CPM: variants seen among roughly 807,000 people sequenced by gnomAD.
The protein encoded by CPM is renal carboxypeptidase.
CPM carries 35 observed loss-of-function variants against 46.4 expected under a neutral mutation model. The ratio of observed to expected loss-of-function variants is 0.75; its 90% confidence interval spans 0.58 to 1.00. The LOEUF (loss-of-function observed/expected upper bound fraction) is 1.00, where lower values mean the gene tolerates loss of function less well. Ranked by LOEUF, CPM falls within the 50% of genes least tolerant of loss-of-function variation. The probability of loss-of-function intolerance (pLI) is 0.00; values close to 1 mark genes in which losing one functional copy is unlikely to be tolerated. For missense variants in CPM, 422 were observed against 530.4 expected, an observed-to-expected ratio of 0.80 and a Z score of 2.01; for synonymous variants, 195 against 195.3, an observed-to-expected ratio of 1.00 and a Z score of 0.01.
intron 1 of CPM, among the ~76,000 whole-genome samples, chr12:68,944,812 G>A (rs866192101): frequency 3.9e-5 from 6 of 152,048 alleles, no homozygotes; most frequent in Middle Eastern, 3.4e-3. Flanking sequence ...GAACTCAGAC[G>A]TTAGGATTTT....
intron 2 of CPM, among the ~76,000 whole-genome samples, chr12:68,916,090 C>G (rs1189961122): frequency 6.6e-6 from 1 of 152,162 alleles, no homozygotes; most frequent in Non-Finnish European, 1.5e-5. Flanking sequence ...TTCCTGCTCA[C>G]GCACACAGCT....
At chr12:68,867,213 G>A (rs1024102639) in intron 6 of CPM, among the ~76,000 whole-genome samples, 165 bp from the exon 7 acceptor site, 2 of 152,166 alleles carry the variant, frequency 1.3e-5, no homozygotes, top group African/African-American at 4.8e-5. Context: ...TTACCCAGGC[G>A]TGACTAGACA....
intron 2 of CPM, among the ~76,000 whole-genome samples, chr12:68,901,769 T>G (rs1887123809): frequency 6.6e-6 from 1 of 152,084 alleles, no homozygotes; most frequent in South Asian, 2.1e-4. Context: ...GGAAGGAAAA[T>G]AAATGTTCGG....
At chr12:68,919,834 G>C (rs1459653581) in intron 2 of CPM, among the ~76,000 whole-genome samples, 1 of 152,146 alleles carries the variant, frequency 6.6e-6, no homozygotes, top group African/African-American at 2.4e-5. Context: ...TGCCCCAATT[G>C]AACAATCTTT....
At chr12:68,894,243 C>T (rs975764398) in intron 2 of CPM, among the ~76,000 whole-genome samples, 1 of 152,214 alleles carries the variant, frequency 6.6e-6, no homozygotes, top group African/African-American at 2.4e-5. Context: ...AGGGCACTGC[C>T]TGGTGTGTTC....
rs559298154 is a variant in CPM at position 68,867,135 on chromosome 12, C to G, written c.788-87G>C. The G allele has an allele frequency of 2.8e-5, 36 of 1,292,848 alleles. No homozygotes were observed. In the South Asian group the frequency reaches 4.2e-4, roughly 15 times the overall value. 80.1% of individuals were successfully genotyped at this position (1,292,848 alleles called of 1,614,324 possible). A position where few individuals can be genotyped will look rare whatever the true frequency, so the allele number is the denominator to read the frequency against. ...GTGCCTCGGGGACAAATGAATCAGA[C>G]AGCTACATGTAAACAGGAAAAAATG... On this transcript the variant is annotated intron_variant, in intron 6 of 8. Transcript: ENST00000551568.
intron 2 of CPM, among the ~76,000 whole-genome samples, chr12:68,916,587 A>C (rs1173046205): frequency 2.6e-5 from 4 of 152,130 alleles, no homozygotes; most frequent in Non-Finnish European, 5.9e-5. Context: ...TGTTGCACCA[A>C]ATTTCTTAAA....
intron 7 of CPM, among the ~76,000 whole-genome samples, chr12:68,859,488 T>C (rs1885118213): frequency 6.6e-6 from 1 of 152,236 alleles, no homozygotes; most frequent in South Asian, 2.1e-4. Context: ...AGGGACTCAA[T>C]AGTTTTGTCT....
intron 2 of CPM, among the ~76,000 whole-genome samples, chr12:68,931,672 GA>G (rs780062233): frequency 4.1e-5 from 6 of 147,118 alleles, no homozygotes; most frequent in Non-Finnish European, 1.5e-5. Context: ...TTGAACTCAG[GA>G]AGCCGGAGGT....
chr12:68,909,650 T>G (rs552076571), intron 2 of CPM, among the ~76,000 whole-genome samples: 28 of 152,224 alleles, frequency 1.8e-4, no homozygotes, highest in Admixed American at 1.3e-3. Flanking sequence ...GGAATACTAT[T>G]CAGCCATAAA....
chr12:68,882,167 T>C (rs979836812), intron 3 of CPM, among the ~76,000 whole-genome samples: 70 of 151,586 alleles, frequency 4.6e-4, no homozygotes, highest in African/African-American at 1.5e-3. Context: ...GGGGATTTGG[T>C]GTATGGATTA....
chr12:68,870,192 G>A (rs754961678), intron 5 of CPM, 23 bp downstream of exon 5: 4 of 1,605,638 alleles, frequency 2.5e-6, no homozygotes, highest in South Asian at 2.2e-5. Context: ...TAAGAAGCCA[G>A]AACTGGACCC....
At chr12:68,867,645 G>C (rs769633897) in intron 6 of CPM, among the ~76,000 whole-genome samples, 1 of 152,192 alleles carries the variant, frequency 6.6e-6, no homozygotes, top group Non-Finnish European at 1.5e-5. Context: ...GTAAATGACA[G>C]ACACTGGAGT....
intron 3 of CPM, among the ~76,000 whole-genome samples, chr12:68,874,095 G>A (rs560787186): frequency 1.3e-3 from 194 of 152,164 alleles, no homozygotes; most frequent in African/African-American, 4.3e-3. Context: ...GTGAGCCACC[G>A]CGCCCGGCCA....
At chr12:68,876,208 A>C (rs1040667270) in intron 3 of CPM, among the ~76,000 whole-genome samples, 6 of 152,232 alleles carry the variant, frequency 3.9e-5, no homozygotes, top group African/African-American at 1.2e-4. Flanking sequence ...ACAAATCACA[A>C]GTTCTCAATT....
At chr12:68,923,671 G>A (rs968209100) in intron 2 of CPM, among the ~76,000 whole-genome samples, 1 of 152,120 alleles carries the variant, frequency 6.6e-6, no homozygotes, top group Non-Finnish European at 1.5e-5. Flanking sequence ...ATTTACATAA[G>A]ATATGGTATC....
At chr12:68,950,463 C>G (rs1888916119) in intron 1 of CPM, among the ~76,000 whole-genome samples, 1 of 152,142 alleles carries the variant, frequency 6.6e-6, no homozygotes, top group Non-Finnish European at 1.5e-5. Context: ...TAAACTGGAA[C>G]TGGGTTTCCC....
rs1258456518 is a variant in CPM, at chr12:68,923,158, AGAGTGTGTGTGTGTGTGTGTGTGT to A, written c.160+9496_160+9519del. ...CCAAATGCATGTTGGTATTTGATAT[AGAGTGTGTGTGTGTGTGTGTGTGT>A]GTGTGTGTGTGTGTGTGTGTGTGTG... On this transcript the variant is annotated intron_variant, in intron 2 of 8. Coordinates refer to ENST00000551568, the MANE Select transcript of CPM (RefSeq NM_198320.5). 7.0e-4 allele frequency among the ~76,000 whole-genome samples: 92 copies of A among 131,902 alleles called. 1 individual carries two copies. The highest frequency in any genetic ancestry group is 2.0e-3 in the African/African-American group (68 of 34,044). The allele number at this position is 131,902 out of a possible 152,430, so 86.5% of individuals were successfully genotyped here.
downstream of CPM, chr12:68,847,185 G>A (rs1283314359): frequency 1.6e-5 from 1 of 63,044 alleles, no homozygotes; most frequent in Non-Finnish European, 3.2e-5. Flanking sequence ...ATGTATGTAT[G>A]TGTGTGTACA....
Sources: allele counts gnomAD v4.1 joint callset (sites outside exome capture counted in the v4.1 genomes callset), GRCh38; gene constraint gnomAD v4.1.1; transcripts MANE v1.5; gene names NCBI Gene and HGNC (gene_info 2026-07-23, HGNC 2026-07-21).